WDPCP: variants seen among roughly 807,000 people sequenced by gnomAD.
WDPCP encodes the protein WD repeat containing planar cell polarity effector, also known as WD repeat-containing and planar cell polarity effector protein fritz homolog.
A neutral mutation model predicts 93.1 loss-of-function variants in WDPCP; 71 were observed. The ratio of observed to expected loss-of-function variants is 0.76; its 90% CI spans 0.63 to 0.93. The LOEUF is 0.93. Ranked by LOEUF, WDPCP falls within the 40% of genes least tolerant of loss-of-function variation. The pLI is 0.00. For synonymous variants in WDPCP, 315 were observed against 315.0 expected, an observed-to-expected ratio of 1.00 and a Z score of 0.00; for missense variants, 844 against 887.4, an observed-to-expected ratio of 0.95 and a Z score of 0.62.
chr2:63,535,843 A>G (rs1456154720), intron 1 of WDPCP, among the ~76,000 whole-genome samples: 1 of 152,248 alleles, frequency 6.6e-6, no homozygotes, highest in Admixed American at 6.5e-5. Flanking sequence ...AATGGCAACA[A>G]AAGCCAAAAT....
chr2:63,556,715 A>G (rs949645133), intron 1 of WDPCP, among the ~76,000 whole-genome samples: 2 of 152,168 alleles, frequency 1.3e-5, no homozygotes, highest in African/African-American at 4.8e-5. Context: ...ACACATAATC[A>G]TCAGATTTTC....
At chr2:63,152,214 T>G (rs1259085846) in intron 17 of WDPCP, among the ~76,000 whole-genome samples, 1 of 152,200 alleles carries the variant, frequency 6.6e-6, no homozygotes, top group South Asian at 2.1e-4. Flanking sequence ...AGAATGACAT[T>G]TGCAAACTGC....
At chr2:63,789,573 G>A (rs996318443) in intron 2 of WDPCP, among the ~76,000 whole-genome samples, 3 of 152,168 alleles carry the variant, frequency 2.0e-5, no homozygotes, top group African/African-American at 7.2e-5. Flanking sequence ...TGCCAGCAGA[G>A]ATCCTAAACT....
chr2:63,351,304 A>C (rs1689595079), intron 12 of WDPCP, among the ~76,000 whole-genome samples: 1 of 152,060 alleles, frequency 6.6e-6, no homozygotes, highest in African/African-American at 2.4e-5. Flanking sequence ...TAGATAAAGG[A>C]GGTACATGTG....
At chr2:63,233,808 A>T (rs1021337889) in intron 14 of WDPCP, among the ~76,000 whole-genome samples, 9 of 152,146 alleles carry the variant, frequency 5.9e-5, no homozygotes, top group Non-Finnish European at 1.2e-4. Context: ...CAGGCCACAG[A>T]CATTAATGAT....
At chr2:63,642,057 A>G (rs1355102257) in intron 3 of WDPCP, among the ~76,000 whole-genome samples, 1 of 151,998 alleles carries the variant, frequency 6.6e-6, no homozygotes, top group Non-Finnish European at 1.5e-5. Flanking sequence ...CTTTTTCCCA[A>G]TATATGTTCT....
At chr2:63,737,530 G>C (rs1363041303) in intron 2 of WDPCP, among the ~76,000 whole-genome samples, 1 of 152,158 alleles carries the variant, frequency 6.6e-6, no homozygotes, top group African/African-American at 2.4e-5. Context: ...TGTGTACTCA[G>C]ACATGTTCAA....
intron 2 of WDPCP, among the ~76,000 whole-genome samples, chr2:63,789,591 T>C (rs1670517875): frequency 2.0e-5 from 3 of 152,136 alleles, no homozygotes; most frequent in Non-Finnish European, 4.4e-5. Flanking sequence ...ACTCAGCTAG[T>C]GGGAAGCCGA....
chr2:63,279,216 T>C (rs1309273823), intron 13 of WDPCP, among the ~76,000 whole-genome samples: 1 of 152,308 alleles, frequency 6.6e-6, no homozygotes, highest in East Asian at 1.9e-4. Flanking sequence ...CTGATGAACA[T>C]AGATGCAACA....
chr2:63,361,292 G>A (rs1198990029), intron 12 of WDPCP, among the ~76,000 whole-genome samples: 1 of 152,130 alleles, frequency 6.6e-6, no homozygotes, highest in Non-Finnish European at 1.5e-5. Flanking sequence ...AGACTAAACA[G>A]TGTATTATTG....
At chr2:63,393,940 T>C (rs528307248) in intron 10 of WDPCP, among the ~76,000 whole-genome samples, 1 of 152,294 alleles carries the variant, frequency 6.6e-6, no homozygotes, top group African/African-American at 2.4e-5. Context: ...ATTAAAGACT[T>C]AAATGTAAAA....
intron 9 of WDPCP, among the ~76,000 whole-genome samples, chr2:63,409,643 C>T (rs750891944): frequency 2.0e-5 from 3 of 151,552 alleles, no homozygotes; most frequent in African/African-American, 7.3e-5. Context: ...CAAGGAAATT[C>T]GAAAAACGAT....
intron 2 of WDPCP, among the ~76,000 whole-genome samples, chr2:63,777,656 A>G (rs1670325089): frequency 6.6e-6 from 1 of 152,246 alleles, no homozygotes; most frequent in Non-Finnish European, 1.5e-5. Context: ...GAAAGAAGCC[A>G]GACAAAAAAA....
chr2:63,185,074 G>GA (rs1674520642), intron 14 of WDPCP, among the ~76,000 whole-genome samples: 1 of 152,060 alleles, frequency 6.6e-6, no homozygotes, highest in African/African-American at 2.4e-5. Context: ...TTTTAGATAA[G>GA]AAAAAACTGG....
At chr2:63,599,087 T>TA in intron 3 of WDPCP, 1 of 1,432,548 alleles carries the variant, frequency 7.0e-7, no homozygotes, top group Non-Finnish European at 9.5e-7. Context: ...GGCTACCTGT[T>TA]AGACATTTTC....
In WDPCP at chr2:63,588,364, ACGC is replaced by A. The variant is rs563531309; in HGVS notation, c.-96_-94del. 37 of 1,436,742 alleles carry A rather than the reference ACGC, an allele frequency of 2.6e-5. No homozygotes were observed. Among genetic ancestry groups the A allele is most frequent in the Non-Finnish European group, 3.1e-5 (32 of 1,043,930 alleles). The allele number at this position is 1,436,742 out of a possible 1,614,324, so 89.0% of individuals were successfully genotyped here. On this transcript the variant is annotated 5_prime_UTR_variant, in exon 1 of 18. Transcript: ENST00000272321. ...TCGCTTGGTCTCTTGGGTCTCCAGG[ACGC>A]CGCCGCCGCCGCCACAGTTTCCTCA...
chr2:63,660,952 T>G (rs1463367440), intron 2 of WDPCP, among the ~76,000 whole-genome samples: 1 of 152,220 alleles, frequency 6.6e-6, no homozygotes, highest in Non-Finnish European at 1.5e-5. Context: ...TTAGTGGAGA[T>G]CTAAACCTAA....
intron 14 of WDPCP, chr2:63,229,845 T>G (rs1678667355): frequency 6.4e-6 from 1 of 155,312 alleles, no homozygotes; most frequent in Non-Finnish European, 1.4e-5. Flanking sequence ...AGCCTTGTAG[T>G]GTAGTTTGAA....
intron 3 of WDPCP, among the ~76,000 whole-genome samples, chr2:63,607,665 C>A (rs1368403251): frequency 6.6e-6 from 1 of 151,288 alleles, no homozygotes; most frequent in East Asian, 2.0e-4. Context: ...CCCATCTCTA[C>A]TAAAAATGCA....
Sources: gnomAD v4.1 joint callset for allele counts (sites outside exome capture counted in the v4.1 genomes callset) on GRCh38, gnomAD v4.1.1 for gene constraint, MANE v1.5 for transcripts, NCBI Gene and HGNC (gene_info 2026-07-23, HGNC 2026-07-21) for gene names.